The following ALK variants were observed in gnomAD, a reference collection of about 807,000 sequenced individuals.
ALK encodes ALK tyrosine kinase receptor.
In ALK, 74 loss-of-function variants were observed where a neutral mutation model predicts 163.1. The ratio of observed to expected loss-of-function variants is 0.45; its 90% CI spans 0.38 to 0.55. The LOEUF is 0.55. Among genes scored for constraint, ALK ranks in the 20% least tolerant of loss-of-function variants. The probability of loss-of-function intolerance (pLI) is 0.00; values close to 1 mark genes in which losing one functional copy is unlikely to be tolerated. For missense variants in ALK, 2,063 were observed against 2,105.3 expected, an observed-to-expected ratio of 0.98 and a Z score of 0.39; for synonymous variants, 960 against 843.2, an observed-to-expected ratio of 1.14 and a Z score of -2.40.
At chr2:29,827,927 C>T (rs1449984593) in intron 1 of ALK, among the ~76,000 whole-genome samples, 2 of 152,174 alleles carry the variant, frequency 1.3e-5, no homozygotes, top group Non-Finnish European at 2.9e-5. Flanking sequence ...TACTACAAGG[C>T]TACAGTAACC....
At position 29,582,395 on chromosome 2, in the gene ALK, G is replaced by C. The variant is rs1029903439; in HGVS notation, c.953-50279C>G. Among the ~76,000 whole-genome samples, 7 of 152,272 alleles carry C rather than the reference G, an allele frequency of 4.6e-5. No individual in the cohort carries two copies. The South Asian group carries it at 1.5e-3, about 32-fold the overall frequency. On this transcript the variant is annotated intron_variant, in intron 3 of 28. Coordinates refer to ENST00000389048, the MANE Select transcript of ALK (RefSeq NM_004304.5). ...TATCTCAGTAACAGGGCCTGGGAGG[G>C]AATTTGAGCCAGGAGCTCATAGGAC...
At position 29,227,097 on chromosome 2, in the gene ALK, A is replaced by G. The variant is rs1479378420; in HGVS notation, c.2915-23T>C. 2 of 1,614,074 alleles carry G rather than the reference A, an allele frequency of 1.2e-6. No homozygotes were observed. Among genetic ancestry groups the G allele is most frequent in the Non-Finnish European group, 1.7e-6 (2 of 1,180,016 alleles). The stretch of plus-strand genomic sequence containing the variant: ...TCACTAGTGACAAGGAGGGAGGGTC[A>G]GTCTTGGGCCGAGCCTGCCTCCCCA... On this transcript the variant is annotated intron_variant, in intron 17 of 28. Coordinates refer to ENST00000389048, the MANE Select transcript of ALK (RefSeq NM_004304.5). The surrounding 1 kb of genome is among the most constrained non-coding windows in gnomAD (Gnocchi z 4.4).
chr2:29,906,732 A>C (rs907407614), intron 1 of ALK, among the ~76,000 whole-genome samples: 5 of 152,174 alleles, frequency 3.3e-5, no homozygotes, highest in Admixed American at 2.0e-4. Context: ...AGAGTACTAA[A>C]ATCATAAAAC....
intron 3 of ALK, among the ~76,000 whole-genome samples, chr2:29,554,895 C>G (rs550513351): frequency 6.6e-6 from 1 of 152,240 alleles, no homozygotes; most frequent in African/African-American, 2.4e-5. Context: ...TGGCCTCTGG[C>G]CATCCTCACT....
At chr2:29,586,893 G>T (rs1016355925) in intron 3 of ALK, among the ~76,000 whole-genome samples, 5 of 152,148 alleles carry the variant, frequency 3.3e-5, no homozygotes, top group Non-Finnish European at 7.3e-5. Flanking sequence ...CACAATTAAG[G>T]GTGATTATTT....
intron 3 of ALK, among the ~76,000 whole-genome samples, chr2:29,537,327 G>A (rs886653213): frequency 1.3e-5 from 2 of 152,250 alleles, no homozygotes; most frequent in African/African-American, 4.8e-5. Flanking sequence ...CCAGGGTGCT[G>A]TTGCCCTGCT....
intron 1 of ALK, among the ~76,000 whole-genome samples, chr2:29,735,391 T>C (rs1679862606): frequency 6.6e-6 from 1 of 152,108 alleles, no homozygotes; most frequent in Admixed American, 6.5e-5. Flanking sequence ...TTTATAATAA[T>C]AAATGCTATC....
intron 1 of ALK, among the ~76,000 whole-genome samples, chr2:29,739,264 A>G (rs928954705): frequency 4.9e-4 from 73 of 150,140 alleles, no homozygotes; most frequent in African/African-American, 1.7e-3. Flanking sequence ...AAAAAAAAAA[A>G]AAAAAGAACA....
chr2:29,426,717 C>G (rs975101215), intron 4 of ALK, among the ~76,000 whole-genome samples: 2 of 152,014 alleles, frequency 1.3e-5, no homozygotes, highest in African/African-American at 4.8e-5. Context: ...ATACATAGTT[C>G]TTGTCCTTCT....
intron 3 of ALK, among the ~76,000 whole-genome samples, chr2:29,679,097 T>C (rs1254131745): frequency 6.6e-6 from 1 of 151,922 alleles, no homozygotes; most frequent in East Asian, 1.9e-4. Flanking sequence ...TCCTGGTGAA[T>C]TGACATTTTT....
intron 5 of ALK, among the ~76,000 whole-genome samples, chr2:29,382,189 G>C (rs1250322420): frequency 6.6e-6 from 1 of 152,114 alleles, no homozygotes. Context: ...CCTCTAAGAG[G>C]GTGCCCTGCC....
chr2:29,878,895 C>A (rs1170202631), intron 1 of ALK, among the ~76,000 whole-genome samples: 1 of 152,026 alleles, frequency 6.6e-6, no homozygotes, highest in Non-Finnish European at 1.5e-5. Flanking sequence ...GAAGGTGAGG[C>A]TGGTAGATGG....
chr2:29,650,499 C>T (rs776762410), intron 3 of ALK, among the ~76,000 whole-genome samples: 1 of 152,118 alleles, frequency 6.6e-6, no homozygotes, highest in African/African-American at 2.4e-5. Flanking sequence ...TAAGACGTCC[C>T]GGGGCTTCCT....
At chr2:29,617,540 G>A (rs1285900593) in intron 3 of ALK, among the ~76,000 whole-genome samples, 1 of 152,190 alleles carries the variant, frequency 6.6e-6, no homozygotes, top group African/African-American at 2.4e-5. Context: ...TGAGCACCCA[G>A]TGCTGACAAA....
chr2:29,527,852 T>C (rs1388918772), intron 4 of ALK, among the ~76,000 whole-genome samples: 1 of 151,906 alleles, frequency 6.6e-6, no homozygotes, highest in Non-Finnish European at 1.5e-5. Flanking sequence ...TCACATTACA[T>C]CACATCACCC....
intron 1 of ALK, among the ~76,000 whole-genome samples, chr2:29,911,872 T>C (rs949886369): frequency 2.0e-5 from 3 of 152,194 alleles, no homozygotes; most frequent in Non-Finnish European, 4.4e-5. Flanking sequence ...GTTATGACCA[T>C]GTCCCATAAG....
intron 12 of ALK, among the ~76,000 whole-genome samples, chr2:29,243,188 C>T (rs73920749): frequency 0.14 from 21,462 of 152,130 alleles, 2,647 homozygotes; most frequent in African/African-American, 0.34. Flanking sequence ...TTGAGCCCGG[C>T]GAGGTGCCTC....
chr2:29,390,976 G>A (rs570968252), intron 4 of ALK, among the ~76,000 whole-genome samples: 12 of 152,328 alleles, frequency 7.9e-5, no homozygotes, highest in Non-Finnish European at 1.3e-4. Context: ...GTTTCAGGTC[G>A]AAAGGGGATC....
intron 4 of ALK, among the ~76,000 whole-genome samples, chr2:29,409,188 C>T (rs983047187): frequency 2.6e-5 from 4 of 152,178 alleles, no homozygotes; most frequent in Admixed American, 6.5e-5. Context: ...AAATGCCACT[C>T]GTCTTGTTTC....
Sources: gnomAD v4.1 joint callset for allele counts (sites outside exome capture counted in the v4.1 genomes callset) on GRCh38, gnomAD v4.1.1 for gene constraint, Gnocchi (gnomAD v3.1) non-coding constraint, MANE v1.5 for transcripts, NCBI Gene and HGNC (gene_info 2026-07-23, HGNC 2026-07-21) for gene names.